DNAH11: variants seen among roughly 807,000 people sequenced by gnomAD.
DNAH11 encodes axonemal beta dynein heavy chain 11.
Under a neutral mutation model 526.0 loss-of-function variants are expected in DNAH11, and 442 were observed. The ratio of observed to expected loss-of-function variants is 0.84; its 90% CI spans 0.78 to 0.91. DNAH11 has a LOEUF of 0.91. Ranked by LOEUF, DNAH11 falls within the 40% of genes least tolerant of loss-of-function variation. The probability of loss-of-function intolerance (pLI) is 0.00; values close to 1 mark genes in which losing one functional copy is unlikely to be tolerated. For missense variants in DNAH11, 6,989 were observed against 5,448.7 expected (o/e 1.28, Z -8.90); for synonymous variants, 2,461 against 1,935.9 (o/e 1.27, Z -7.12).
intron 68 of DNAH11, among the ~76,000 whole-genome samples, chr7:21,856,416 C>T (rs958974610): frequency 1.3e-5 from 2 of 152,106 alleles, no homozygotes; most frequent in African/African-American, 4.8e-5. Flanking sequence ...TTCTAACAAG[C>T]ACAGTGTGGT....
chr7:21,779,488 C>T (rs552750365), intron 57 of DNAH11, among the ~76,000 whole-genome samples: 1 of 152,146 alleles, frequency 6.6e-6, no homozygotes, highest in Non-Finnish European at 1.5e-5. Context: ...CATTCCGTCA[C>T]TTTGCAAGAT....
At position 21,854,458 on chromosome 7, in the gene DNAH11, A is replaced by C; in HGVS notation, c.11202+3A>C. 6.2e-7 allele frequency: 1 copy of C among 1,612,368 alleles called. No individual in the cohort carries two copies. The highest frequency in any genetic ancestry group is 8.5e-7 in the Non-Finnish European group (1 of 1,179,268). Reference sequence around the variant, plus strand: ...CCCTCTACCAATTCTCTTTGAAGGTAATGCTGAATGAGCTAAGAAATATGG... The same window carrying C: ...CCCTCTACCAATTCTCTTTGAAGGTCATGCTGAATGAGCTAAGAAATATGG... On this transcript the variant is annotated splice_donor_region_variant and intron_variant, in intron 68 of 81. Coordinates refer to ENST00000409508, the MANE Select transcript of DNAH11 (RefSeq NM_001277115.2).
At chr7:21,583,465 A>G (rs759194485) in intron 9 of DNAH11, among the ~76,000 whole-genome samples, 15 of 152,246 alleles carry the variant, frequency 9.9e-5, no homozygotes, top group Non-Finnish European at 1.9e-4. Context: ...TGTAAGACCT[A>G]AAACCATAAT....
intron 25 of DNAH11, among the ~76,000 whole-genome samples, chr7:21,622,438 A>G (rs1786109756): frequency 1.3e-5 from 2 of 152,294 alleles, no homozygotes; most frequent in Admixed American, 6.5e-5. Flanking sequence ...CAAGCTACCA[A>G]TGACTTTCTT....
At chr7:21,690,110 T>C (rs2196879) in intron 34 of DNAH11, among the ~76,000 whole-genome samples, 34,167 of 152,202 alleles carry the variant, frequency 0.22, 4,153 homozygotes, top group Non-Finnish European at 0.28. Context: ...CCCATTTATA[T>C]TTATAATCCC....
At chr7:21,673,824 C>A (rs1241001756) in intron 30 of DNAH11, among the ~76,000 whole-genome samples, 1 of 152,116 alleles carries the variant, frequency 6.6e-6, no homozygotes, top group Non-Finnish European at 1.5e-5. Context: ...CCTATTTCTA[C>A]CACTTGATTG....
At chr7:21,720,915 G>A (rs775136462) in intron 44 of DNAH11, 59 bp downstream of exon 44, 126 of 1,581,424 alleles carry the variant, frequency 8.0e-5, no homozygotes, top group Non-Finnish European at 1.0e-4. Context: ...CAGGGTCATG[G>A]GGAGGTTAAA....
chr7:21,791,973 C>T (rs747006865), intron 61 of DNAH11, among the ~76,000 whole-genome samples: 6 of 152,140 alleles, frequency 3.9e-5, no homozygotes, highest in Non-Finnish European at 8.8e-5. Context: ...GCAGTTCCTG[C>T]TTTGGGCGGG....
At chr7:21,797,750 C>G (rs751388014) in intron 61 of DNAH11, among the ~76,000 whole-genome samples, 19 of 152,320 alleles carry the variant, frequency 1.2e-4, no homozygotes, top group Middle Eastern at 6.8e-3. Flanking sequence ...TGAACATTCA[C>G]TCATGCCCTT....
intron 8 of DNAH11, among the ~76,000 whole-genome samples, chr7:21,578,811 A>C (rs562436198): frequency 1.3e-5 from 2 of 152,018 alleles, no homozygotes; most frequent in Non-Finnish European, 2.9e-5. Flanking sequence ...TGCCTACCCA[A>C]CGTCTCCACT....
chr7:21,720,475 T>C (rs1784833181), intron 43 of DNAH11, among the ~76,000 whole-genome samples: 1 of 152,142 alleles, frequency 6.6e-6, no homozygotes, highest in South Asian at 2.1e-4. Context: ...TACTGATTAT[T>C]AACTGGATTG....
intron 74 of DNAH11, among the ~76,000 whole-genome samples, chr7:21,878,369 G>A (rs777575907): frequency 6.6e-6 from 1 of 152,076 alleles, no homozygotes; most frequent in Admixed American, 6.5e-5. Flanking sequence ...GGTTTTATGT[G>A]GACTATCTGT....
intron 54 of DNAH11, among the ~76,000 whole-genome samples, chr7:21,751,036 C>T (rs1393455831): frequency 6.6e-6 from 1 of 152,142 alleles, no homozygotes; most frequent in African/African-American, 2.4e-5. Context: ...AAGTAACACT[C>T]AGATGGGCCG....
At chr7:21,751,240 C>G (rs1027630996) in intron 54 of DNAH11, among the ~76,000 whole-genome samples, 2 of 152,180 alleles carry the variant, frequency 1.3e-5, no homozygotes, top group East Asian at 1.9e-4. Context: ...AGGAGAATCA[C>G]TTGAACCCAG....
intron 30 of DNAH11, among the ~76,000 whole-genome samples, chr7:21,666,756 ATT>A (rs200980636): frequency 1.1e-4 from 16 of 146,418 alleles, no homozygotes; most frequent in East Asian, 6.0e-4. Flanking sequence ...GGACACAAGT[ATT>A]TTTTTTTTTT....
chr7:21,821,237 A>G (rs1356831599), intron 65 of DNAH11, among the ~76,000 whole-genome samples: 1 of 150,212 alleles, frequency 6.7e-6, no homozygotes, highest in Non-Finnish European at 1.5e-5. Context: ...TAGACATGCA[A>G]AGGTTGAGGT....
intron 28 of DNAH11, among the ~76,000 whole-genome samples, chr7:21,643,787 G>A (rs1787229088): frequency 6.6e-6 from 1 of 152,004 alleles, no homozygotes; most frequent in Non-Finnish European, 1.5e-5. Context: ...TACATACCTG[G>A]TTTCAAAGAC....
chr7:21,798,438 A>G (rs559733735), intron 61 of DNAH11, among the ~76,000 whole-genome samples: 1 of 152,142 alleles, frequency 6.6e-6, no homozygotes, highest in Non-Finnish European at 1.5e-5. Context: ...ACTCTTAACT[A>G]TACAGTATAC....
chr7:21,600,730 A>G lies in DNAH11; in HGVS notation c.3055A>G (p.Arg1019Gly). The change falls in exon 16 of 82, where the codon AGA (arginine) becomes GGA (glycine). Residue 1019 changes from arginine to glycine, a missense_variant. Physicochemically the swap from Arg to Gly is moderately radical, Grantham distance 125. Transcript: ENST00000409508. ...AGAGGTCAGGCAGGAGATCATGAAC[A>G]GAGTGGTGAATGTCATCAACAAAGT... ...LAEVRQEIMN[R>G]VVNVINKVLD... is the part of the protein sequence containing the mutation. 1 of 1,613,884 alleles carries G rather than the reference A, an allele frequency of 6.2e-7. No homozygotes were observed. The highest frequency in any genetic ancestry group is 8.5e-7 in the Non-Finnish European group (1 of 1,179,826).
Sources: allele counts gnomAD v4.1 joint callset (sites outside exome capture counted in the v4.1 genomes callset), GRCh38; gene constraint gnomAD v4.1.1; transcripts MANE v1.5; gene names NCBI Gene and HGNC (gene_info 2026-07-23, HGNC 2026-07-21).